C9orf152: variants seen among roughly 807,000 people sequenced by gnomAD.
C9orf152 encodes the protein uncharacterized protein C9orf152.
In C9orf152, 8 loss-of-function variants were observed where a neutral mutation model predicts 8.5. The ratio of observed to expected loss-of-function variants is 0.94; its 90% CI spans 0.55 to 1.70. The LOEUF (loss-of-function observed/expected upper bound fraction) is 1.70. C9orf152 is among the 40% of genes most tolerant of loss of function. C9orf152 has a pLI of 0.00. For synonymous variants in C9orf152, 109 were observed against 113.0 expected (o/e 0.96, Z 0.22); for missense variants, 293 against 286.2 (o/e 1.02, Z -0.17).
chr9:110,207,340 G>A (rs1587906842), intron 1 of C9orf152, 47 bp downstream of exon 1: 1 of 1,577,600 alleles, frequency 6.3e-7, no homozygotes, highest in East Asian at 2.3e-5. Flanking sequence ...TGCCACTCAG[G>A]TCTCCCATGG....
rs1194394887 is a variant in C9orf152 at position 110,200,210 on chromosome 9, CAGAAGGAAGGAAGGAA to C, written c.*722_*737del. On this transcript the variant is annotated 3_prime_UTR_variant, in exon 2 of 2. Transcript: ENST00000400613. The stretch of plus-strand genomic sequence containing the variant: ...AGGAAGGGAGGGAGGGAGGGAGAGA[CAGAAGGAAGGAAGGAA>C]GGAAGGAAGGAAGGAAGGAAGGAGA... 4 of 23,310 alleles carry C rather than the reference CAGAAGGAAGGAAGGAA, an allele frequency of 1.7e-4. No homozygotes were observed. The highest frequency in any genetic ancestry group is 4.9e-4 in the African/African-American group (4 of 8,090). The allele number at this position is 23,310 out of a possible 1,614,324, so 1.4% of individuals were successfully genotyped here. A position where few individuals can be genotyped will look rare whatever the true frequency, so the allele number is the denominator to read the frequency against.
Position 110,201,417 on chromosome 9 carries a change from T to C in C9orf152, c.251A>G (p.Glu84Gly), listed in dbSNP as rs778278588. Reference sequence around the variant, plus strand: ...TTCCAGGGACAGTGAGCTTCTTCTCTCCTTGTTAATCCAAACAGCATTGAC... The same window carrying C: ...TTCCAGGGACAGTGAGCTTCTTCTCCCCTTGTTAATCCAAACAGCATTGAC... ...SMVNAVWINKERRSSLSLEEA... is the reference protein window; with the variant it reads ...SMVNAVWINKGRRSSLSLEEA... Residue 84 changes from glutamate (E) to glycine (G), a missense_variant, in exon 2 of 2, where the codon GAG becomes GGG. Transcript: ENST00000400613. The C allele has an allele frequency of 1.3e-6, 2 of 1,548,202 alleles. No homozygotes were observed. Among genetic ancestry groups the C allele is most frequent in the South Asian group, 1.3e-5 (1 of 78,844 alleles).
chr9:110,201,590 C>T (rs1490421936), intron 1 of C9orf152, 116 bp from the exon 2 acceptor site: 7 of 761,568 alleles, frequency 9.2e-6, no homozygotes, highest in East Asian at 5.5e-5. Flanking sequence ...GTTCCTGGTA[C>T]ATTTCATGTG....
chr9:110,204,005 A>T (rs1310338766), intron 1 of C9orf152, among the ~76,000 whole-genome samples: 3 of 152,102 alleles, frequency 2.0e-5, no homozygotes, highest in African/African-American at 7.2e-5. Flanking sequence ...TTCACCACTG[A>T]CTCACTAGGA....
In C9orf152 at chr9:110,206,184, A is replaced by G. The variant is rs539240382; in HGVS notation, c.193+1203T>C. Among the ~76,000 whole-genome samples the G allele has an allele frequency of 6.6e-5, 10 of 152,292 alleles. No individual in the cohort carries two copies. The East Asian group carries it at 1.9e-3, about 29-fold the overall frequency. ...GCACTCCTTGCATGAACCATAATTT[A>G]GCACCTAGTAATGATGGGAAAGGGG... On this transcript the variant is annotated intron_variant, in intron 1 of 1. Coordinates refer to ENST00000400613, the MANE Select transcript of C9orf152 (RefSeq NM_001012993.3).
Position 110,207,358 on chromosome 9 carries a change from C to G in C9orf152, c.193+29G>C, listed in dbSNP as rs1461061530. 3.1e-6 allele frequency: 5 copies of G among 1,601,558 alleles called. No homozygotes were observed. The Admixed American group carries it at 5.3e-5, about 17-fold the overall frequency. ...CACTCAGGTCTCCCATGGTAAGTCT[C>G]TCCTTCCCCAGCACCTGTCCATTCC... is the stretch of plus-strand genomic sequence containing the variant. On this transcript the variant is annotated intron_variant, in intron 1 of 1. Transcript: ENST00000400613.
At chr9:110,206,581 TG>T (rs917655744) in intron 1 of C9orf152, among the ~76,000 whole-genome samples, 1 of 152,192 alleles carries the variant, frequency 6.6e-6, no homozygotes, top group African/African-American at 2.4e-5. Context: ...GTGCCACTTT[TG>T]TTCCCAAAAG....
Position 110,207,677 on chromosome 9 carries a change from C to A in C9orf152, c.-98G>T. 1 of 875,054 alleles carries A rather than the reference C, an allele frequency of 1.1e-6. No individual in the cohort carries two copies. The highest frequency in any genetic ancestry group is 2.0e-5 in the South Asian group (1 of 50,302). The allele number at this position is 875,054 out of a possible 1,614,324, so 54.2% of individuals were successfully genotyped here. A position where few individuals can be genotyped will look rare whatever the true frequency, so the allele number is the denominator to read the frequency against. On this transcript the variant is annotated 5_prime_UTR_variant, in exon 1 of 2. Transcript: ENST00000400613. ...GTGAGGGAGAAGGAGAAGTGACGGG[C>A]AAAAGGAGGGTGGAAAGAGGAGTGG... is the stretch of plus-strand genomic sequence containing the variant.
intron 1 of C9orf152, among the ~76,000 whole-genome samples, chr9:110,206,722 G>T (rs1837277233): frequency 6.6e-6 from 1 of 152,370 alleles, no homozygotes; most frequent in Admixed American, 6.5e-5. Context: ...ACAGAGCCCA[G>T]CTTTGACCTT....
rs756175021 is a variant in C9orf152, at chr9:110,201,308, G to T, written c.360C>A (p.His120Gln). ...TTTGGACCAAACAATGCATCTCCAG[G>T]TGCGTGTGCCATGGAGACTTGGGGG... ...LQAPKSPWHT[H>Q]LEMHCLVQTS... Residue 120 changes from histidine to glutamine, a missense_variant, in exon 2 of 2, where the codon CAC (histidine) becomes CAA (glutamine). Physicochemically the swap from His to Gln is conservative, Grantham distance 24 (BLOSUM62 0). Coordinates refer to ENST00000400613, the MANE Select transcript of C9orf152 (RefSeq NM_001012993.3). The T allele has an allele frequency of 1.2e-6, 2 of 1,613,656 alleles. No individual in the cohort carries two copies. Among genetic ancestry groups the T allele is most frequent in the Admixed American group, 1.7e-5 (1 of 59,978 alleles).
rs1465204977 is a variant in C9orf152, at chr9:110,200,075, G to C, written c.*873C>G. ...CATCATTATATATCGTCAATGATTGGCAGTTTTTAATAAGAACTTAATTTG... is the reference window on the plus strand; with the variant it reads ...CATCATTATATATCGTCAATGATTGCCAGTTTTTAATAAGAACTTAATTTG... On this transcript the variant is annotated 3_prime_UTR_variant, in exon 2 of 2. Coordinates refer to ENST00000400613, the MANE Select transcript of C9orf152 (RefSeq NM_001012993.3). The C allele has an allele frequency of 6.6e-6, 1 of 151,422 alleles. No homozygotes were observed. Among genetic ancestry groups the C allele is most frequent in the South Asian group, 2.1e-4 (1 of 4,808 alleles). The allele number at this position is 151,422 out of a possible 1,614,324, so 9.4% of individuals were successfully genotyped here.
At position 110,199,919 on chromosome 9, in the gene C9orf152, C is replaced by G. The variant is rs553711390; in HGVS notation, c.*1029G>C. On this transcript the variant is annotated 3_prime_UTR_variant, in exon 2 of 2. Coordinates refer to ENST00000400613, the MANE Select transcript of C9orf152 (RefSeq NM_001012993.3). ...CCAAGTGACACCTGCTTCGCTTTGT[C>G]TTAGGTTTAAAAATATATTTGATCC... The G allele has an allele frequency of 1.3e-5, 2 of 152,300 alleles. No homozygotes were observed. Among genetic ancestry groups the G allele is most frequent in the South Asian group, 4.1e-4 (2 of 4,820 alleles). 9.4% of individuals were successfully genotyped at this position (152,300 alleles called of 1,614,324 possible).
In C9orf152 at chr9:110,200,912, G is replaced by A. The variant is rs1237247701; in HGVS notation, c.*36C>T. On this transcript the variant is annotated 3_prime_UTR_variant, in exon 2 of 2. Coordinates refer to ENST00000400613, the MANE Select transcript of C9orf152 (RefSeq NM_001012993.3). Reference sequence around the variant, plus strand: ...TGGTTCTTCTATAAGGCCATAGGTGGCCTCAAGGTCAAGACATCTGGCAGA... The same window carrying A: ...TGGTTCTTCTATAAGGCCATAGGTGACCTCAAGGTCAAGACATCTGGCAGA... 7.1e-6 allele frequency: 11 copies of A among 1,553,562 alleles called. No homozygotes were observed. Among genetic ancestry groups the A allele is most frequent in the Non-Finnish European group, 9.5e-6 (11 of 1,154,758 alleles).
chr9:110,202,796 G>A (rs1837237967), intron 1 of C9orf152, among the ~76,000 whole-genome samples: 1 of 152,028 alleles, frequency 6.6e-6, no homozygotes, highest in Non-Finnish European at 1.5e-5. Context: ...AATGTGCAGA[G>A]CAAGAGTGGG....
chr9:110,205,532 T>TG (rs1837264424), intron 1 of C9orf152, among the ~76,000 whole-genome samples: 1 of 152,232 alleles, frequency 6.6e-6, no homozygotes. Context: ...CATAAGGCCT[T>TG]GATGAGCTTT....
intron 1 of C9orf152, among the ~76,000 whole-genome samples, chr9:110,206,030 G>A (rs1326574485): frequency 6.6e-6 from 1 of 150,466 alleles, no homozygotes; most frequent in East Asian, 2.0e-4. Context: ...CTGCACTCCA[G>A]CCTGGGCAAC....
intron 1 of C9orf152, among the ~76,000 whole-genome samples, chr9:110,202,375 G>A (rs928688964): frequency 6.6e-6 from 1 of 152,108 alleles, no homozygotes; most frequent in Non-Finnish European, 1.5e-5. Flanking sequence ...GAGCCACTGC[G>A]CTCGGCTGTG....
chr9:110,202,330 G>C (rs990174263), intron 1 of C9orf152, among the ~76,000 whole-genome samples: 1 of 152,162 alleles, frequency 6.6e-6, no homozygotes, highest in Admixed American at 6.5e-5. Flanking sequence ...TGATCCGCCC[G>C]CCTCAGACTC....
chr9:110,205,704 G>C (rs1837266612), intron 1 of C9orf152, among the ~76,000 whole-genome samples: 1 of 152,154 alleles, frequency 6.6e-6, no homozygotes, highest in South Asian at 2.1e-4. Context: ...CTCAGGCTGT[G>C]CTCCAAGACC....
Sources: gnomAD v4.1 joint callset for allele counts (sites outside exome capture counted in the v4.1 genomes callset) on GRCh38, gnomAD v4.1.1 for gene constraint, MANE v1.5 for transcripts, NCBI Gene and HGNC (gene_info 2026-07-23, HGNC 2026-07-21) for gene names.